The following FBXL20 variants were observed in gnomAD, a reference collection of about 807,000 sequenced individuals.
FBXL20 encodes F-box/LRR-repeat protein 20.
A neutral mutation model predicts 64.0 loss-of-function variants in FBXL20; 11 were observed. That is an observed-to-expected ratio of 0.17 (90% CI 0.11 to 0.28). The LOEUF is 0.28. Among genes scored for constraint, FBXL20 ranks in the 10% least tolerant of loss-of-function variants. The pLI is 1.00. For missense variants in FBXL20, 303 were observed against 526.2 expected (o/e 0.58, Z 4.15); for synonymous variants, 184 against 189.0 (o/e 0.97, Z 0.22).
At chr17:39,356,798 G>A (rs2047745440) in intron 1 of FBXL20, among the ~76,000 whole-genome samples, 1 of 150,492 alleles carries the variant, frequency 6.6e-6, no homozygotes, top group South Asian at 2.1e-4. Flanking sequence ...TGGAACTACG[G>A]GTGCGTGCCA....
rs117818262 is a variant in FBXL20 at position 39,370,087 on chromosome 17, G to A, written c.43-26846C>T. Among the ~76,000 whole-genome samples, 1,140 of 151,706 alleles carry A rather than the reference G, an allele frequency of 7.5e-3. 11 individuals carry two copies. Among genetic ancestry groups the A allele is most frequent in the Non-Finnish European group, 9.0e-3 (612 of 67,944 alleles). On this transcript the variant is annotated intron_variant, in intron 1 of 14. Coordinates refer to ENST00000264658, the MANE Select transcript of FBXL20 (RefSeq NM_032875.3). The stretch of plus-strand genomic sequence containing the variant: ...GAACATTCCAGTGCCCTCTAGCCTG[G>A]ACAACATAGCAAAACTCAGCCTCAA...
At chr17:39,359,482 G>GTGGTAGCACAAATTAGCCAGC (rs2047773934) in intron 1 of FBXL20, among the ~76,000 whole-genome samples, 2 of 151,968 alleles carry the variant, frequency 1.3e-5, no homozygotes, top group Middle Eastern at 3.4e-3. Flanking sequence ...AATTAGCCAG[G>GTGGTAGCACAAATTAGCCAGC]CGTGGTAGCA....
In FBXL20 at chr17:39,330,020, C is replaced by T. The variant is rs150412547; in HGVS notation, c.104+13160G>A. Among the ~76,000 whole-genome samples, 415 of 152,032 alleles carry T rather than the reference C, an allele frequency of 2.7e-3. 1 individual carries two copies. The highest frequency in any genetic ancestry group is 9.3e-3 in the African/African-American group (387 of 41,510). On this transcript the variant is annotated intron_variant, in intron 2 of 14. Coordinates refer to ENST00000264658, the MANE Select transcript of FBXL20 (RefSeq NM_032875.3). ...AAAAAAATCAAAAATAGGATGGGCG[C>T]GGTGGCTCATACCTGTAATCCCAGC...
At chr17:39,325,873 G>A (rs1303199003) in intron 2 of FBXL20, among the ~76,000 whole-genome samples, 6 of 152,160 alleles carry the variant, frequency 3.9e-5, no homozygotes, top group Non-Finnish European at 7.3e-5. Flanking sequence ...GAAAAATCCT[G>A]ATATAGTTTG....
At chr17:39,286,022 G>A (rs2046985510) in intron 6 of FBXL20, among the ~76,000 whole-genome samples, 1 of 152,130 alleles carries the variant, frequency 6.6e-6, no homozygotes, top group Non-Finnish European at 1.5e-5. Flanking sequence ...TGTAGGAACT[G>A]GATTTTTGCA....
rs374675279 is a variant in FBXL20 at position 39,268,820 on chromosome 17, A to G, written c.933+7T>C. 3 of 1,611,924 alleles carry G rather than the reference A, an allele frequency of 1.9e-6. No individual in the cohort carries two copies. The highest frequency in any genetic ancestry group is 2.5e-6 in the Non-Finnish European group (3 of 1,178,420). On this transcript the variant is annotated splice_region_variant and intron_variant, in intron 12 of 14. Transcript: ENST00000264658. ...CTGTATTTCTGAATTAAAATCTACA[A>G]TCTTACCTGAACACACTCTTCCAGG... is the stretch of plus-strand genomic sequence containing the variant.
chr17:39,399,936 C>A (rs1039205049), intron 1 of FBXL20, among the ~76,000 whole-genome samples: 2 of 152,322 alleles, frequency 1.3e-5, no homozygotes, highest in South Asian at 4.1e-4. Flanking sequence ...GTATCTGGAA[C>A]TGCCTTTCAA....
chr17:39,367,769 A>G (rs1310485753), intron 1 of FBXL20, among the ~76,000 whole-genome samples: 3 of 151,236 alleles, frequency 2.0e-5, no homozygotes, highest in Non-Finnish European at 4.4e-5. Flanking sequence ...TTATATATAT[A>G]TATATTTTGA....
intron 3 of FBXL20, among the ~76,000 whole-genome samples, chr17:39,302,527 C>T (rs937683852): frequency 6.6e-6 from 1 of 152,124 alleles, no homozygotes; most frequent in Non-Finnish European, 1.5e-5. Flanking sequence ...GCATCCGCCT[C>T]CATGCCTGGC....
chr17:39,363,543 T>G (rs2047820593), intron 1 of FBXL20, among the ~76,000 whole-genome samples: 1 of 151,872 alleles, frequency 6.6e-6, no homozygotes, highest in East Asian at 1.9e-4. Context: ...CCAAACAAGG[T>G]GGCTTACACC....
intron 1 of FBXL20, among the ~76,000 whole-genome samples, chr17:39,384,556 T>G (rs1414026713): frequency 6.6e-6 from 1 of 151,424 alleles, no homozygotes; most frequent in Non-Finnish European, 1.5e-5. Context: ...ATAATAAAAT[T>G]TATATATAAT....
At chr17:39,320,496 A>G (rs930851342) in intron 2 of FBXL20, among the ~76,000 whole-genome samples, 17 of 152,122 alleles carry the variant, frequency 1.1e-4, no homozygotes, top group African/African-American at 1.9e-4. Flanking sequence ...AACTATTAGC[A>G]TAAGAGGCTT....
chr17:39,309,790 T>TAA (rs2047215406), intron 2 of FBXL20, among the ~76,000 whole-genome samples: 2 of 93,636 alleles, frequency 2.1e-5, no homozygotes, highest in African/African-American at 9.6e-5. Flanking sequence ...AGACTCCATC[T>TAA]CAAAAAAAAA....
chr17:39,372,348 G>A (rs919674467), intron 1 of FBXL20, among the ~76,000 whole-genome samples: 27 of 151,184 alleles, frequency 1.8e-4, no homozygotes, highest in African/African-American at 4.1e-4. Flanking sequence ...GTGAAACCCC[G>A]TCTCTACTTA....
intron 9 of FBXL20, among the ~76,000 whole-genome samples, chr17:39,279,728 T>A (rs1163069370): frequency 6.6e-6 from 1 of 151,408 alleles, no homozygotes; most frequent in Non-Finnish European, 1.5e-5. Flanking sequence ...AAACCCCATC[T>A]CTACAAAAAA....
At chr17:39,341,038 G>A (rs146807229) in intron 2 of FBXL20, among the ~76,000 whole-genome samples, 63 of 149,244 alleles carry the variant, frequency 4.2e-4, no homozygotes, top group African/African-American at 1.5e-3. Flanking sequence ...TTCATCATGG[G>A]GTTTAAACAA....
chr17:39,316,904 A>C (rs8081220), intron 2 of FBXL20, among the ~76,000 whole-genome samples: 49,908 of 152,132 alleles, frequency 0.33, 9,356 homozygotes, highest in African/African-American at 0.51. Flanking sequence ...AATGAGAAGC[A>C]CTTGAACCTG....
Position 39,297,123 on chromosome 17 carries a change from T to G in FBXL20, c.398+4A>C. The stretch of plus-strand genomic sequence containing the variant: ...CTTATCCTCCAAAAACATAAAATAC[T>G]TACGCGTCTGTTGTCTTTGTACACC... On this transcript the variant is annotated splice_donor_region_variant and intron_variant, in intron 6 of 14. Coordinates refer to ENST00000264658, the MANE Select transcript of FBXL20 (RefSeq NM_032875.3). The G allele has an allele frequency of 6.2e-7, 1 of 1,601,000 alleles. No individual in the cohort carries two copies. The highest frequency in any genetic ancestry group is 8.5e-7 in the Non-Finnish European group (1 of 1,170,604).
chr17:39,399,000 T>C (rs1046886715), intron 1 of FBXL20, among the ~76,000 whole-genome samples: 2 of 152,156 alleles, frequency 1.3e-5, no homozygotes, highest in Admixed American at 1.3e-4. Flanking sequence ...AAAAATTTTT[T>C]TTCTATAGCT....
Sources: allele counts gnomAD v4.1 joint callset (sites outside exome capture counted in the v4.1 genomes callset), GRCh38; gene constraint gnomAD v4.1.1; transcripts MANE v1.5; gene names NCBI Gene and HGNC (gene_info 2026-07-23, HGNC 2026-07-21).